The following NME5 variants were observed in gnomAD, a reference collection of about 807,000 sequenced individuals.
NME5 encodes nucleoside diphosphate kinase 5.
NME5 carries 18 observed loss-of-function variants against 21.6 expected under a neutral mutation model. The observed-to-expected ratio is 0.83, with a 90% CI of 0.58 to 1.24. The LOEUF (loss-of-function observed/expected upper bound fraction) is 1.24. NME5 is among the 50% of genes most tolerant of loss of function. NME5 has a pLI of 0.00. For missense variants in NME5, 223 were observed against 255.4 expected, an observed-to-expected ratio of 0.87 and a Z score of 0.86; for synonymous variants, 70 against 80.6, an observed-to-expected ratio of 0.87 and a Z score of 0.71.
chr5:138,135,919 A>G (rs893320081), intron 2 of NME5, among the ~76,000 whole-genome samples: 2 of 152,176 alleles, frequency 1.3e-5, no homozygotes, highest in African/African-American at 4.8e-5. Context: ...AGGTTGGTAC[A>G]CATGATTTTG....
At chr5:138,133,161 C>A (rs1363421696) in intron 2 of NME5, among the ~76,000 whole-genome samples, 1 of 150,780 alleles carries the variant, frequency 6.6e-6, no homozygotes, top group East Asian at 2.0e-4. Flanking sequence ...AGTGCAGTGG[C>A]GCGATCTCGG....
In NME5 at chr5:138,137,896, G is replaced by A. The variant is rs567384701; in HGVS notation, c.129+756C>T. Among the ~76,000 whole-genome samples, 7 of 151,952 alleles carry A rather than the reference G, an allele frequency of 4.6e-5. No individual in the cohort carries two copies. In the South Asian group the frequency reaches 1.5e-3, roughly 32 times the overall value. On this transcript the variant is annotated intron_variant, in intron 2 of 5. Coordinates refer to ENST00000265191, the MANE Select transcript of NME5 (RefSeq NM_003551.3). ...TGCCTGTAATCCCAGCTACTCAGGA[G>A]GCTGAGGCAGGAGAATTGCTTGAAC...
At chr5:138,128,913 T>C (rs2286062) in intron 3 of NME5, among the ~76,000 whole-genome samples, 11 of 152,326 alleles carry the variant, frequency 7.2e-5, no homozygotes, top group East Asian at 3.9e-4. Flanking sequence ...TGCTGAAAAT[T>C]TGAATTTCTG....
chr5:138,135,120 C>G (rs1302093959), intron 2 of NME5, among the ~76,000 whole-genome samples: 2 of 148,434 alleles, frequency 1.3e-5, no homozygotes, highest in African/African-American at 4.9e-5. Flanking sequence ...AGATCGAGAC[C>G]ATCCGGGCTA....
chr5:138,135,481 C>G (rs528060966), intron 2 of NME5, among the ~76,000 whole-genome samples: 8 of 151,774 alleles, frequency 5.3e-5, no homozygotes, highest in African/African-American at 1.9e-4. Context: ...ATTACAGGCA[C>G]GTGCCACCAC....
intron 2 of NME5, 127 bp downstream of exon 2, chr5:138,138,525 C>T (rs1337899064): frequency 9.2e-6 from 7 of 763,724 alleles, no homozygotes; most frequent in Non-Finnish European, 1.5e-5. Flanking sequence ...AACTTTTATA[C>T]TTAGAAGAAT....
Position 138,138,796 on chromosome 5 carries a change from C to A in NME5, c.-5-11G>T, listed in dbSNP as rs1359742534. On this transcript the variant is annotated splice_polypyrimidine_tract_variant and intron_variant, in intron 1 of 5. Transcript: ENST00000265191. ...ATATCTCCATTATGGCTTTTCAGGG[C>A]ACAAATTAAGAGTTTCTTAACAGGT... The A allele has an allele frequency of 6.9e-6, 11 of 1,594,874 alleles. No homozygotes were observed. The highest frequency in any genetic ancestry group is 2.2e-5 in the East Asian group (1 of 44,620).
intron 5 of NME5, among the ~76,000 whole-genome samples, chr5:138,117,028 G>A (rs932921038): frequency 6.6e-6 from 1 of 151,464 alleles, no homozygotes; most frequent in Non-Finnish European, 1.5e-5. Context: ...GGCAACATAG[G>A]GAGACCCCAT....
At chr5:138,137,377 G>T (rs1281370755) in intron 2 of NME5, among the ~76,000 whole-genome samples, 1 of 151,814 alleles carries the variant, frequency 6.6e-6, no homozygotes, top group Non-Finnish European at 1.5e-5. Context: ...GAGTACAATG[G>T]CGTAGTCTTG....
chr5:138,127,733 T>TAGGCCGGGCGCGGTGGCTCACGCCTG, intron 4 of NME5: 1 of 967,634 alleles, frequency 1.0e-6, no homozygotes, highest in Non-Finnish European at 1.2e-6. Context: ...AAGGGACTAG[T>TAGGCCGGGCGCGGTGGCTCACGCCTG]TATTAATTTC....
At chr5:138,129,737 T>C (rs1234445259) in intron 2 of NME5, among the ~76,000 whole-genome samples, 1 of 152,126 alleles carries the variant, frequency 6.6e-6, no homozygotes, top group African/African-American at 2.4e-5. Context: ...GTCGGTGGAT[T>C]GCCTGAGCTC....
chr5:138,115,999 C>T (rs1226370932), intron 5 of NME5, among the ~76,000 whole-genome samples: 2 of 152,062 alleles, frequency 1.3e-5, no homozygotes, highest in African/African-American at 4.8e-5. Context: ...ATGTGGAAAA[C>T]CCTAAGGAAT....
At chr5:138,138,569 A>T in intron 2 of NME5, 83 bp downstream of exon 2, 1 of 1,218,378 alleles carries the variant, frequency 8.2e-7, no homozygotes, top group Non-Finnish European at 1.2e-6. Context: ...CTAAGGGTTT[A>T]AATGGGTAGG....
chr5:138,121,035 ATATAT>A, intron 4 of NME5, among the ~76,000 whole-genome samples: 1 of 152,202 alleles, frequency 6.6e-6, no homozygotes, highest in East Asian at 1.9e-4. Context: ...TATAATATAC[ATATAT>A]TATGAGCTGG....
At chr5:138,128,376 G>T in intron 4 of NME5, 103 bp downstream of exon 4, 1 of 890,988 alleles carries the variant, frequency 1.1e-6, no homozygotes, top group Non-Finnish European at 1.7e-6. Flanking sequence ...AAATATACTG[G>T]AAAAAAAATT....
chr5:138,118,759 G>A, intron 5 of NME5, 59 bp downstream of exon 5: 6 of 1,175,218 alleles, frequency 5.1e-6, no homozygotes, highest in Non-Finnish European at 6.4e-6. Context: ...TGGGATTACA[G>A]GCATGAGCCA....
In NME5 at chr5:138,138,599, T is replaced by C. The variant is rs1751774676; in HGVS notation, c.129+53A>G. 2.6e-6 allele frequency: 4 copies of C among 1,547,260 alleles called. No homozygotes were observed. In the South Asian group the frequency reaches 3.6e-5, roughly 14 times the overall value. ...GGTAGGCACATTTACATAAGCATTT[T>C]TTTTTTAAGGGCAGAGAGGAAAAAA... On this transcript the variant is annotated intron_variant, in intron 2 of 5. Coordinates refer to ENST00000265191, the MANE Select transcript of NME5 (RefSeq NM_003551.3).
intron 2 of NME5, among the ~76,000 whole-genome samples, chr5:138,134,842 C>CAGCCTCCCCA (rs370696336): frequency 6.7e-6 from 1 of 148,768 alleles, no homozygotes; most frequent in East Asian, 2.1e-4. Flanking sequence ...TCTCCTGCCT[C>CAGCCTCCCCA]GTAGCTGGGA....
At chr5:138,137,837 A>G (rs1338868379) in intron 2 of NME5, among the ~76,000 whole-genome samples, 1 of 151,558 alleles carries the variant, frequency 6.6e-6, no homozygotes, top group East Asian at 2.0e-4. Flanking sequence ...CGTCTCTACT[A>G]AAAATACAAA....
Sources: gnomAD v4.1 joint callset for allele counts (sites outside exome capture counted in the v4.1 genomes callset) on GRCh38, gnomAD v4.1.1 for gene constraint, MANE v1.5 for transcripts, NCBI Gene and HGNC (gene_info 2026-07-23, HGNC 2026-07-21) for gene names.